The following HYLS1 variants were observed in gnomAD, a reference collection of about 807,000 sequenced individuals.
HYLS1 encodes the protein HYLS1 centriolar and ciliogenesis associated, also known as centriolar and ciliogenesis-associated protein HYLS1.
Under a neutral mutation model 29.4 loss-of-function variants are expected in HYLS1, and 25 were observed. The ratio of observed to expected loss-of-function variants is 0.85; its 90% CI spans 0.62 to 1.19. The LOEUF (loss-of-function observed/expected upper bound fraction) is 1.19, where lower values mean the gene tolerates loss of function less well. Among genes scored for constraint, HYLS1 ranks in the 50% most tolerant of loss-of-function variants. The pLI is 0.00. For synonymous variants in HYLS1, 128 were observed against 126.7 expected, an observed-to-expected ratio of 1.01 and a Z score of -0.07; for missense variants, 352 against 365.1, an observed-to-expected ratio of 0.96 and a Z score of 0.29.
intron 1 of HYLS1, among the ~76,000 whole-genome samples, chr11:125,890,036 T>G (rs1045671605): frequency 6.6e-6 from 1 of 152,182 alleles, no homozygotes; most frequent in Non-Finnish European, 1.5e-5. Context: ...ACTCCAGGGT[T>G]CAAGCGGTCC....
At chr11:125,895,470 C>T in intron 2 of HYLS1, 1 of 1,614,174 alleles carries the variant, frequency 6.2e-7, no homozygotes, top group Non-Finnish European at 8.5e-7. Context: ...ATTAATCACA[C>T]CGTTGGCTAC....
In HYLS1 at chr11:125,896,284, T is replaced by C. The variant is rs543614309; in HGVS notation, c.-25-3060T>C. On this transcript the variant is annotated intron_variant, in intron 2 of 2. Coordinates refer to ENST00000425380, the MANE Select transcript of HYLS1 (RefSeq NM_001134793.2). The stretch of plus-strand genomic sequence containing the variant: ...TTTCTGTCTGTGTCATTATAAGCCA[T>C]GATATGACAACCCCAGGAATAAACG... 22 of 1,602,580 alleles carry C rather than the reference T, an allele frequency of 1.4e-5. No individual in the cohort carries two copies. Among genetic ancestry groups the C allele is most frequent in the Admixed American group, 1.7e-5 (1 of 59,718 alleles).
At chr11:125,894,684 C>T (rs1035975039) in intron 2 of HYLS1, among the ~76,000 whole-genome samples, 6 of 152,128 alleles carry the variant, frequency 3.9e-5, no homozygotes, top group Non-Finnish European at 8.8e-5. Context: ...TTCTTTCCTA[C>T]CATTTTGGAA....
In HYLS1 at chr11:125,899,869, G is replaced by A. The variant is rs1459943045; in HGVS notation, c.501G>A (p.Gln167=). 6.2e-7 allele frequency: 1 copy of A among 1,614,066 alleles called. No homozygotes were observed. Among genetic ancestry groups the A allele is most frequent in the African/African-American group, 1.3e-5 (1 of 74,922 alleles). Residue 167 remains glutamine (Q), a synonymous_variant, in exon 3 of 3, where the codon CAG becomes CAA. Transcript: ENST00000425380. ...AATACCAAGGAATTTCTCAAGATCAGCTCATTTGCTCTCTACAAAGAGAAG... is the reference window on the plus strand; with the variant it reads ...AATACCAAGGAATTTCTCAAGATCAACTCATTTGCTCTCTACAAAGAGAAG... ...PHEYQGISQD[Q]LICSLQREGM...
At chr11:125,889,719 CAGAG>C (rs1406628829) in intron 1 of HYLS1, among the ~76,000 whole-genome samples, 1 of 151,412 alleles carries the variant, frequency 6.6e-6, no homozygotes, top group Non-Finnish European at 1.5e-5. Flanking sequence ...GCCTGGGCGA[CAGAG>C]AGAGACTCGT....
At chr11:125,895,988 C>T in intron 2 of HYLS1, 1 of 1,614,156 alleles carries the variant, frequency 6.2e-7, no homozygotes, top group Non-Finnish European at 8.5e-7. Context: ...CTAGTCGAGT[C>T]TTGGTTAGAG....
rs1944330182 is a variant in HYLS1, at chr11:125,887,699, C to T, written c.-142C>T. The T allele has an allele frequency of 1.3e-5, 2 of 152,326 alleles. No homozygotes were observed. The highest frequency in any genetic ancestry group is 2.9e-5 in the Non-Finnish European group (2 of 68,082). The allele number at this position is 152,326 out of a possible 1,614,324, so 9.4% of individuals were successfully genotyped here. ...CCTGCGCAAGTTACGCGAAAGCTAA[C>T]AGAATCTGCGGTGCTCTGCTGGCGA... is the stretch of plus-strand genomic sequence containing the variant. On this transcript the variant is annotated 5_prime_UTR_variant, in exon 1 of 3. Transcript: ENST00000425380.
chr11:125,888,289 C>T (rs560490430), intron 1 of HYLS1: 8 of 152,224 alleles, frequency 5.3e-5, no homozygotes, highest in Non-Finnish European at 1.2e-4. Flanking sequence ...GGAAATAAAT[C>T]TTTTTTATTC....
At chr11:125,888,710 A>C (rs1255950303) in intron 1 of HYLS1, among the ~76,000 whole-genome samples, 1 of 149,172 alleles carries the variant, frequency 6.7e-6, no homozygotes, top group African/African-American at 2.5e-5. Flanking sequence ...GAGAGGTTGC[A>C]GTGAGCCGAG....
upstream of HYLS1, among the ~76,000 whole-genome samples, chr11:125,886,371 C>T (rs1005831028): frequency 6.6e-6 from 1 of 152,112 alleles, no homozygotes; most frequent in Non-Finnish European, 1.5e-5. Context: ...ACATTTCTCC[C>T]CTCCCACTGA....
upstream of HYLS1, among the ~76,000 whole-genome samples, chr11:125,885,328 G>A (rs1944286917): frequency 6.6e-6 from 1 of 152,118 alleles, no homozygotes; most frequent in Non-Finnish European, 1.5e-5. Flanking sequence ...GCACACGCCT[G>A]TAGTCCCAGC....
rs1015403016 is a variant in HYLS1 at position 125,887,727 on chromosome 11, G to C, written c.-114G>C. On this transcript the variant is annotated 5_prime_UTR_variant, in exon 1 of 3. Coordinates refer to ENST00000425380, the MANE Select transcript of HYLS1 (RefSeq NM_001134793.2). ...AATCTGCGGTGCTCTGCTGGCGACTGGCAGGACGCGGTGCAGAGAGCGGAC... is the reference window on the plus strand; with the variant it reads ...AATCTGCGGTGCTCTGCTGGCGACTCGCAGGACGCGGTGCAGAGAGCGGAC... The C allele has an allele frequency of 2.0e-5, 3 of 152,420 alleles. No individual in the cohort carries two copies. The highest frequency in any genetic ancestry group is 7.2e-5 in the African/African-American group (3 of 41,606). The allele number at this position is 152,420 out of a possible 1,614,324, so 9.4% of individuals were successfully genotyped here. A position where few individuals can be genotyped will look rare whatever the true frequency, so the allele number is the denominator to read the frequency against.
chr11:125,893,704 C>A, intron 2 of HYLS1: 2 of 1,162,632 alleles, frequency 1.7e-6, no homozygotes, highest in Non-Finnish European at 2.3e-6. Context: ...ATTCCTAGTA[C>A]TTGCAAGTAA....
upstream of HYLS1, among the ~76,000 whole-genome samples, chr11:125,886,899 A>T (rs1284418871): frequency 1.5e-5 from 2 of 132,950 alleles, no homozygotes; most frequent in Non-Finnish European, 1.6e-5. Context: ...CAACTGGGCA[A>T]CAAGAGGGAA....
At chr11:125,893,292 G>C (rs1310916856) in intron 2 of HYLS1, among the ~76,000 whole-genome samples, 4 of 150,468 alleles carry the variant, frequency 2.7e-5, no homozygotes, top group African/African-American at 1.0e-4. Flanking sequence ...GTAAGATAAG[G>C]TACTGTGCTT....
intron 2 of HYLS1, chr11:125,895,439 A>G (rs778825745): frequency 4.3e-6 from 7 of 1,614,096 alleles, no homozygotes; most frequent in Non-Finnish European, 5.9e-6. Flanking sequence ...GTACTTGAGC[A>G]GATAGAATAG....
upstream of HYLS1, among the ~76,000 whole-genome samples, chr11:125,884,439 C>T (rs1302926438): frequency 6.7e-6 from 1 of 148,694 alleles, no homozygotes; most frequent in African/African-American, 2.5e-5. Context: ...GAAACCCTGT[C>T]TCTACTAAAA....
chr11:125,885,697 G>A (rs1166034871), upstream of HYLS1, among the ~76,000 whole-genome samples: 1 of 152,224 alleles, frequency 6.6e-6, no homozygotes, highest in African/African-American at 2.4e-5. Flanking sequence ...CCACGGACAG[G>A]CACCTAGGAA....
intron 1 of HYLS1, chr11:125,887,975 T>G (rs940300728): frequency 1.3e-5 from 2 of 149,936 alleles, no homozygotes; most frequent in African/African-American, 5.1e-5. Context: ...ACAGGCGATG[T>G]GCGCGGCGGG....
Sources: allele counts gnomAD v4.1 joint callset (sites outside exome capture counted in the v4.1 genomes callset), GRCh38; gene constraint gnomAD v4.1.1; transcripts MANE v1.5; gene names NCBI Gene and HGNC (gene_info 2026-07-23, HGNC 2026-07-21).